Variants in ROR1 observed in about 807,000 individuals in gnomAD.
ROR1 encodes the protein ROR family WNT receptor 1, also known as inactive tyrosine-protein kinase transmembrane receptor ROR1.
Under a neutral mutation model 78.8 loss-of-function variants are expected in ROR1, and 19 were observed. The ratio of observed to expected loss-of-function variants is 0.24; its 90% CI spans 0.17 to 0.35. The LOEUF is 0.35. Ranked by LOEUF, ROR1 falls within the 10% of genes least tolerant of loss-of-function variation. ROR1 has a pLI of 1.00. For synonymous variants in ROR1, 386 were observed against 433.6 expected, an observed-to-expected ratio of 0.89 and a Z score of 1.36; for missense variants, 917 against 1,177.8, an observed-to-expected ratio of 0.78 and a Z score of 3.24.
At chr1:63,913,674 G>A (rs1645588067) in intron 1 of ROR1, among the ~76,000 whole-genome samples, 1 of 152,130 alleles carries the variant, frequency 6.6e-6, no homozygotes, top group Admixed American at 6.5e-5. Flanking sequence ...TGCGCTCAGT[G>A]TGGCCACAAC....
At chr1:64,123,249 G>T (rs1648605724) in intron 4 of ROR1, among the ~76,000 whole-genome samples, 1 of 152,198 alleles carries the variant, frequency 6.6e-6, no homozygotes, top group Non-Finnish European at 1.5e-5. Context: ...ATAGTTTGGT[G>T]AGTATAATCA....
intron 1 of ROR1, among the ~76,000 whole-genome samples, chr1:63,911,257 T>C (rs1188148173): frequency 6.6e-6 from 1 of 152,178 alleles, no homozygotes; most frequent in East Asian, 1.9e-4. Flanking sequence ...AGTGTTCTCA[T>C]CTGTAAAATG....
chr1:64,155,842 A>G (rs1465538717), intron 7 of ROR1, among the ~76,000 whole-genome samples: 1 of 152,230 alleles, frequency 6.6e-6, no homozygotes, highest in Non-Finnish European at 1.5e-5. Context: ...TAGGGTACTG[A>G]GAAATATGAA....
At chr1:63,991,501 G>A (rs1422836689) in intron 1 of ROR1, among the ~76,000 whole-genome samples, 1 of 152,190 alleles carries the variant, frequency 6.6e-6, no homozygotes, top group South Asian at 2.1e-4. Flanking sequence ...CATTTGGAAT[G>A]ATGCCACACT....
chr1:63,915,528 A>G (rs537011213), intron 1 of ROR1, among the ~76,000 whole-genome samples: 11 of 152,248 alleles, frequency 7.2e-5, no homozygotes, highest in South Asian at 4.1e-4. Context: ...GAAGAGTGCA[A>G]TGGAGAGAAG....
intron 1 of ROR1, among the ~76,000 whole-genome samples, chr1:63,886,974 C>T (rs1304480161): frequency 6.6e-6 from 1 of 152,182 alleles, no homozygotes; most frequent in Non-Finnish European, 1.5e-5. Context: ...GAAGGATCCT[C>T]ACTCTTCCAC....
chr1:64,134,528 G>A (rs1649034573), intron 4 of ROR1, among the ~76,000 whole-genome samples: 1 of 152,064 alleles, frequency 6.6e-6, no homozygotes, highest in African/African-American at 2.4e-5. Flanking sequence ...GGGCTGCTTT[G>A]AAGAAAGCAC....
intron 7 of ROR1, among the ~76,000 whole-genome samples, chr1:64,149,372 C>T (rs945212670): frequency 6.6e-5 from 10 of 152,184 alleles, no homozygotes; most frequent in African/African-American, 2.4e-4. Flanking sequence ...TTCAGAGGAA[C>T]ACACATTCCT....
At chr1:63,988,606 G>T (rs144264923) in intron 1 of ROR1, among the ~76,000 whole-genome samples, 2 of 152,194 alleles carry the variant, frequency 1.3e-5, no homozygotes, top group East Asian at 3.9e-4. Flanking sequence ...CCTCCAACTA[G>T]AACTCTGACC....
At chr1:63,826,084 A>AT in intron 1 of ROR1, among the ~76,000 whole-genome samples, 1 of 152,256 alleles carries the variant, frequency 6.6e-6, no homozygotes, top group South Asian at 2.1e-4. Context: ...GGCACTGATT[A>AT]TTTTTATTTT....
chr1:63,850,487 A>G (rs679386), intron 1 of ROR1, among the ~76,000 whole-genome samples: 31,938 of 152,230 alleles, frequency 0.21, 7,074 homozygotes, highest in African/African-American at 0.56. Context: ...CCTACAGGAT[A>G]TAAGTTCCCG....
chr1:64,092,112 C>T (rs1229966183), intron 4 of ROR1, among the ~76,000 whole-genome samples: 1 of 147,198 alleles, frequency 6.8e-6, no homozygotes, highest in Non-Finnish European at 1.5e-5. Context: ...TCCCTCCCTC[C>T]CTCCCTCCCT....
chr1:64,032,748 T>C (rs1646671635), intron 2 of ROR1, among the ~76,000 whole-genome samples: 1 of 152,216 alleles, frequency 6.6e-6, no homozygotes, highest in Non-Finnish European at 1.5e-5. Flanking sequence ...CACAGTCCTA[T>C]TGTAAGCCTC....
chr1:64,126,529 CA>C (rs1648719399), intron 4 of ROR1, among the ~76,000 whole-genome samples: 1 of 152,082 alleles, frequency 6.6e-6, no homozygotes, highest in Admixed American at 6.6e-5. Flanking sequence ...CTAGAGTAAC[CA>C]TAAAAGGTTA....
intron 4 of ROR1, among the ~76,000 whole-genome samples, chr1:64,093,787 C>T (rs567594521): frequency 6.6e-5 from 10 of 152,236 alleles, no homozygotes; most frequent in African/African-American, 2.4e-4. Context: ...GTTTAATCTT[C>T]CTCTCCACCC....
chr1:63,836,999 A>G (rs1392505026), intron 1 of ROR1, among the ~76,000 whole-genome samples: 1 of 152,142 alleles, frequency 6.6e-6, no homozygotes, highest in Non-Finnish European at 1.5e-5. Context: ...GATGAATGGC[A>G]GGGGAGGCTG....
At chr1:63,782,837 G>A (rs1644660868) in intron 1 of ROR1, among the ~76,000 whole-genome samples, 1 of 152,052 alleles carries the variant, frequency 6.6e-6, no homozygotes, top group South Asian at 2.1e-4. Flanking sequence ...TACCTTTTAG[G>A]GGCAGTAAAA....
chr1:63,814,763 G>T (rs868837453), intron 1 of ROR1, among the ~76,000 whole-genome samples: 4 of 152,122 alleles, frequency 2.6e-5, no homozygotes, highest in Non-Finnish European at 5.9e-5. Context: ...ATGCAAGTGA[G>T]GGGGAGCAGC....
intron 2 of ROR1, among the ~76,000 whole-genome samples, chr1:64,030,485 T>C (rs1373481112): frequency 6.6e-6 from 1 of 152,206 alleles, no homozygotes; most frequent in African/African-American, 2.4e-5. Context: ...CCATCTTTTA[T>C]AGATGAGAAA....
Sources: allele counts gnomAD v4.1 joint callset (sites outside exome capture counted in the v4.1 genomes callset), GRCh38; gene constraint gnomAD v4.1.1; transcripts MANE v1.5; gene names NCBI Gene and HGNC (gene_info 2026-07-23, HGNC 2026-07-21).